The following PROS1 variants were observed in gnomAD, a reference collection of about 807,000 sequenced individuals.
The protein encoded by PROS1 is protein S.
A neutral mutation model predicts 75.9 loss-of-function variants in PROS1; 29 were observed. The observed-to-expected ratio is 0.38, with a 90% CI of 0.28 to 0.52. PROS1 has a LOEUF of 0.52. PROS1 is among the 20% of genes least tolerant of loss of function. The pLI is 0.83. For missense variants in PROS1, 680 were observed against 810.3 expected (o/e 0.84, Z 1.95); for synonymous variants, 245 against 280.6 (o/e 0.87, Z 1.27).
chr3:93,973,562 C>T, intron 1 of PROS1, 112 bp downstream of exon 1: 1 of 1,155,350 alleles, frequency 8.7e-7, no homozygotes, highest in Non-Finnish European at 1.3e-6. Context: ...TCGGTACTTA[C>T]TGGAAACTTT....
At chr3:93,972,880 A>G (rs1709901017) in intron 1 of PROS1, among the ~76,000 whole-genome samples, 1 of 152,158 alleles carries the variant, frequency 6.6e-6, no homozygotes, top group Non-Finnish European at 1.5e-5. Context: ...TTTTTATTCA[A>G]TAAACACACT....
intron 1 of PROS1, among the ~76,000 whole-genome samples, chr3:93,929,743 A>G (rs1709076038): frequency 6.6e-6 from 1 of 152,246 alleles, no homozygotes; most frequent in Non-Finnish European, 1.5e-5. Context: ...TTTGGAGAAA[A>G]GTATGGAGAG....
chr3:93,922,280 C>T (rs1299830536), intron 3 of PROS1, among the ~76,000 whole-genome samples: 1 of 151,632 alleles, frequency 6.6e-6, no homozygotes, highest in African/African-American at 2.4e-5. Flanking sequence ...TTTGCCAGCT[C>T]ACATCAAAAA....
intron 1 of PROS1, among the ~76,000 whole-genome samples, chr3:93,931,485 T>G (rs2107209813): frequency 6.6e-6 from 1 of 152,344 alleles, no homozygotes; most frequent in East Asian, 1.9e-4. Flanking sequence ...TTCATGTTGA[T>G]GCCATTTCAA....
chr3:93,915,217 A>G (rs531650441), intron 3 of PROS1, among the ~76,000 whole-genome samples: 184 of 152,320 alleles, frequency 1.2e-3, no homozygotes, highest in Non-Finnish European at 1.9e-3. Context: ...CTGTAATCCC[A>G]GCTCTTTGGG....
At chr3:93,953,692 C>T (rs1709545354) in intron 1 of PROS1, among the ~76,000 whole-genome samples, 1 of 152,166 alleles carries the variant, frequency 6.6e-6, no homozygotes, top group Admixed American at 6.5e-5. Context: ...TCTCTCACCA[C>T]TTGTATTCAA....
At chr3:93,946,418 A>G (rs891161129) in intron 1 of PROS1, among the ~76,000 whole-genome samples, 1 of 152,222 alleles carries the variant, frequency 6.6e-6, no homozygotes, top group Non-Finnish European at 1.5e-5. Flanking sequence ...TTAAAAGGCT[A>G]CAGTAACCAA....
chr3:93,930,796 T>C (rs528424495), intron 1 of PROS1, among the ~76,000 whole-genome samples: 2 of 152,324 alleles, frequency 1.3e-5, no homozygotes, highest in African/African-American at 4.8e-5. Flanking sequence ...AACATATTTT[T>C]CCATAATTGT....
At chr3:93,911,369 T>C (rs1708757737) in intron 3 of PROS1, among the ~76,000 whole-genome samples, 1 of 152,188 alleles carries the variant, frequency 6.6e-6, no homozygotes, top group Non-Finnish European at 1.5e-5. Flanking sequence ...GCCAAAAATA[T>C]ATTTCTTAAG....
chr3:93,925,821 TAAA>T (rs35893198), intron 2 of PROS1, among the ~76,000 whole-genome samples: 1 of 107,578 alleles, frequency 9.3e-6, no homozygotes. Context: ...AGACCCTGTC[TAAA>T]AAAAAAAAAA....
At chr3:93,909,433 TAAAAAA>T (rs752049146) in intron 4 of PROS1, among the ~76,000 whole-genome samples, 2 of 79,896 alleles carry the variant, frequency 2.5e-5, no homozygotes, top group Admixed American at 1.5e-4. Context: ...AGAGCTTGTC[TAAAAAA>T]AAAAAAAAAA....
intron 1 of PROS1, among the ~76,000 whole-genome samples, chr3:93,965,041 G>T (rs1387958861): frequency 6.6e-6 from 1 of 152,088 alleles, no homozygotes; most frequent in Non-Finnish European, 1.5e-5. Flanking sequence ...ATGCGAATTA[G>T]GCAAAAACAG....
intron 11 of PROS1, among the ~76,000 whole-genome samples, chr3:93,885,329 G>A (rs965367653): frequency 2.6e-5 from 4 of 152,128 alleles, no homozygotes; most frequent in African/African-American, 7.2e-5. Context: ...TGGTTCAAGC[G>A]ATTCTCCTGC....
chr3:93,945,469 G>A (rs1317506371), intron 1 of PROS1, among the ~76,000 whole-genome samples: 1 of 152,176 alleles, frequency 6.6e-6, no homozygotes, highest in East Asian at 1.9e-4. Flanking sequence ...CCATGATCAA[G>A]TGGGGTTCAT....
intron 12 of PROS1, among the ~76,000 whole-genome samples, chr3:93,880,827 A>C (rs1482988006): frequency 6.6e-6 from 1 of 152,220 alleles, no homozygotes; most frequent in East Asian, 1.9e-4. Context: ...TAATTTTTTT[A>C]GATACAATAT....
chr3:93,889,000 T>A (rs1229670065), intron 10 of PROS1, among the ~76,000 whole-genome samples: 2 of 152,220 alleles, frequency 1.3e-5, no homozygotes, highest in South Asian at 2.1e-4. Flanking sequence ...GCTACACTAC[T>A]CTGTGTTATT....
At chr3:93,961,379 T>C (rs1044121437) in intron 1 of PROS1, among the ~76,000 whole-genome samples, 22 of 152,192 alleles carry the variant, frequency 1.4e-4, no homozygotes, top group African/African-American at 5.1e-4. Flanking sequence ...ATTGATTTTA[T>C]AGAAGCAAAT....
intron 11 of PROS1, among the ~76,000 whole-genome samples, chr3:93,885,325 A>C (rs2107138345): frequency 6.6e-6 from 1 of 152,272 alleles, no homozygotes; most frequent in Non-Finnish European, 1.5e-5. Flanking sequence ...TCCCTGGTTC[A>C]AGCGATTCTC....
chr3:93,940,425 C>A (rs1462925191), intron 1 of PROS1, among the ~76,000 whole-genome samples: 4 of 152,082 alleles, frequency 2.6e-5, no homozygotes, highest in Non-Finnish European at 4.4e-5. Flanking sequence ...TTTTCAAGGG[C>A]GTGTTTCCCT....
Sources: gnomAD v4.1 joint callset for allele counts (sites outside exome capture counted in the v4.1 genomes callset) on GRCh38, gnomAD v4.1.1 for gene constraint, MANE v1.5 for transcripts, NCBI Gene and HGNC (gene_info 2026-07-23, HGNC 2026-07-21) for gene names.